HEMK2: variants seen among roughly 807,000 people sequenced by gnomAD.
The protein encoded by HEMK2 is methyltransferase HEMK2.
the HEMK2 span, among the ~76,000 whole-genome samples, chr21:28,623,638 G>A: frequency 6.6e-6 from 1 of 152,162 alleles, no homozygotes; most frequent in African/African-American, 2.4e-5. Flanking sequence ...TATACACCAT[G>A]GAATATTATG....
chr21:28,847,918 A>G, the HEMK2 span, among the ~76,000 whole-genome samples: 1 of 152,174 alleles, frequency 6.6e-6, no homozygotes, highest in Non-Finnish European at 1.5e-5. Context: ...TTTGTCAAAG[A>G]CCAGATAGTC....
the HEMK2 span, among the ~76,000 whole-genome samples, chr21:28,703,790 C>T: frequency 1.3e-5 from 2 of 152,042 alleles, no homozygotes; most frequent in African/African-American, 4.8e-5. Context: ...ACATTCGTCC[C>T]GTGTAAAATT....
At chr21:28,699,682 G>T in the HEMK2 span, among the ~76,000 whole-genome samples, 1 of 152,158 alleles carries the variant, frequency 6.6e-6, no homozygotes, top group African/African-American at 2.4e-5. Flanking sequence ...TAAAAGGGTG[G>T]AGTGCCAAGG....
the HEMK2 span, among the ~76,000 whole-genome samples, chr21:28,657,133 T>C: frequency 6.6e-6 from 1 of 152,090 alleles, no homozygotes; most frequent in Non-Finnish European, 1.5e-5. Flanking sequence ...ACTATGTATG[T>C]TTTTCTATTG....
chr21:28,876,371 G>A, the HEMK2 span: 4 of 1,547,426 alleles, frequency 2.6e-6, no homozygotes, highest in Non-Finnish European at 3.5e-6. Flanking sequence ...GTAGTTCTGG[G>A]CACACACTGT....
At chr21:28,632,953 A>G in the HEMK2 span, among the ~76,000 whole-genome samples, 6 of 152,214 alleles carry the variant, frequency 3.9e-5, no homozygotes, top group Admixed American at 3.3e-4. Context: ...CTGTCAACAC[A>G]TCACATAAGA....
At chr21:28,755,272 G>A in the HEMK2 span, among the ~76,000 whole-genome samples, 1 of 152,188 alleles carries the variant, frequency 6.6e-6, no homozygotes, top group African/African-American at 2.4e-5. Context: ...CCACAAGAGT[G>A]ATAAATTAGG....
chr21:28,824,275 C>G, the HEMK2 span, among the ~76,000 whole-genome samples: 5 of 152,180 alleles, frequency 3.3e-5, no homozygotes, highest in East Asian at 9.7e-4. Flanking sequence ...AGGCTGTGAA[C>G]CATGGTTCTA....
At chr21:28,826,804 A>T in the HEMK2 span, among the ~76,000 whole-genome samples, 1 of 152,190 alleles carries the variant, frequency 6.6e-6, no homozygotes, top group East Asian at 1.9e-4. Flanking sequence ...TATGATAATG[A>T]ACTTTAGCCG....
the HEMK2 span, among the ~76,000 whole-genome samples, chr21:28,728,054 G>A: frequency 6.6e-6 from 1 of 152,212 alleles, no homozygotes; most frequent in South Asian, 2.1e-4. Context: ...TTTTAGCCCA[G>A]TGAGGCCCAT....
the HEMK2 span, among the ~76,000 whole-genome samples, chr21:28,814,522 A>C: frequency 3.3e-5 from 5 of 151,814 alleles, no homozygotes; most frequent in Admixed American, 2.0e-4. Context: ...CAATGAACTC[A>C]AACAAATTTA....
chr21:28,599,042 A>G, the HEMK2 span, among the ~76,000 whole-genome samples: 12 of 152,348 alleles, frequency 7.9e-5, no homozygotes, highest in African/African-American at 2.2e-4. Context: ...AAAGAATCCT[A>G]AAGTTTAGTC....
the HEMK2 span, among the ~76,000 whole-genome samples, chr21:28,769,811 C>T: frequency 6.6e-6 from 1 of 152,124 alleles, no homozygotes; most frequent in Non-Finnish European, 1.5e-5. Context: ...GACAAGAATT[C>T]AAAGCTTTCT....
At chr21:28,775,242 G>C in the HEMK2 span, among the ~76,000 whole-genome samples, 22 of 152,274 alleles carry the variant, frequency 1.4e-4, 2 homozygotes, top group Middle Eastern at 3.4e-3. Context: ...GAAAGCTCTA[G>C]AGATGATCAT....
chr21:28,831,458 A>AGAACGAAC, the HEMK2 span, among the ~76,000 whole-genome samples: 22 of 37,536 alleles, frequency 5.9e-4, 2 homozygotes, highest in East Asian at 6.6e-3. Flanking sequence ...AAGAAAGAAA[A>AGAACGAAC]GAACGAAAGA....
the HEMK2 span, among the ~76,000 whole-genome samples, chr21:28,706,026 T>C: frequency 6.6e-6 from 1 of 152,340 alleles, no homozygotes; most frequent in African/African-American, 2.4e-5. Context: ...AAAGTCATTT[T>C]TGCCTTGTAA....
the HEMK2 span, among the ~76,000 whole-genome samples, chr21:28,739,661 T>C: frequency 5.9e-5 from 9 of 152,234 alleles, no homozygotes; most frequent in African/African-American, 2.2e-4. Flanking sequence ...ATGTTCTCTA[T>C]CTGTACTGTC....
At chr21:28,753,838 C>T in the HEMK2 span, among the ~76,000 whole-genome samples, 1 of 152,220 alleles carries the variant, frequency 6.6e-6, no homozygotes, top group African/African-American at 2.4e-5. Flanking sequence ...CACACGTGCA[C>T]ACGCAATGCC....
At chr21:28,835,366 T>C in the HEMK2 span, among the ~76,000 whole-genome samples, 166 of 152,270 alleles carry the variant, frequency 1.1e-3, no homozygotes, top group African/African-American at 2.0e-3. Flanking sequence ...GTAGACTCAC[T>C]GGGTGGCTAG....
Sources: allele counts gnomAD v4.1 joint callset (sites outside exome capture counted in the v4.1 genomes callset), GRCh38; gene constraint gnomAD v4.1.1; transcripts MANE v1.5; gene names NCBI Gene and HGNC (gene_info 2026-07-23, HGNC 2026-07-21).